Variants in IQCM observed in about 807,000 individuals in gnomAD.
IQCM encodes the protein IQ domain-containing protein M.
IQCM carries 45 observed loss-of-function variants against 57.6 expected under a neutral mutation model. That is an observed-to-expected ratio of 0.78 (90% CI 0.62 to 1.00). The LOEUF is 1.00. IQCM is among the 50% of genes least tolerant of loss of function. The probability of loss-of-function intolerance (pLI) is 0.00; values close to 1 mark genes in which losing one functional copy is unlikely to be tolerated. For missense variants in IQCM, 468 were observed against 511.6 expected, an observed-to-expected ratio of 0.91 and a Z score of 0.82; for synonymous variants, 148 against 158.9, an observed-to-expected ratio of 0.93 and a Z score of 0.51.
intron 12 of IQCM, among the ~76,000 whole-genome samples, chr4:149,491,313 T>C (rs573752097): frequency 6.6e-6 from 1 of 152,108 alleles, no homozygotes; most frequent in Non-Finnish European, 1.5e-5. Context: ...ATTATTCTCT[T>C]AGCAATTTTC....
intron 9 of IQCM, among the ~76,000 whole-genome samples, chr4:149,583,761 A>G (rs895683662): frequency 2.3e-4 from 35 of 151,742 alleles, no homozygotes; most frequent in African/African-American, 8.0e-4. Context: ...TAGTACAATG[A>G]ATTATAATCT....
intron 13 of IQCM, among the ~76,000 whole-genome samples, chr4:149,396,547 T>C (rs565049457): frequency 1.1e-3 from 162 of 152,166 alleles, no homozygotes; most frequent in African/African-American, 3.8e-3. Context: ...TAGGTCATTA[T>C]TGTTCTTTTA....
At chr4:149,738,268 G>A (rs1002189703) in intron 3 of IQCM, among the ~76,000 whole-genome samples, 2 of 152,184 alleles carry the variant, frequency 1.3e-5, no homozygotes, top group Admixed American at 6.5e-5. Flanking sequence ...CTGAAACTTG[G>A]CTGGTCACAC....
At chr4:149,608,243 C>A (rs1754972896) in intron 8 of IQCM, among the ~76,000 whole-genome samples, 1 of 151,898 alleles carries the variant, frequency 6.6e-6, no homozygotes, top group African/African-American at 2.4e-5. Context: ...TCATCCAACA[C>A]TGGAGCACCC....
intron 8 of IQCM, among the ~76,000 whole-genome samples, chr4:149,603,721 A>T (rs897309063): frequency 1.6e-4 from 23 of 146,292 alleles, no homozygotes; most frequent in Non-Finnish European, 3.0e-4. Flanking sequence ...AGGAATAGTT[A>T]AAAAAAAAAA....
At chr4:149,716,290 G>A (rs371115727) in intron 5 of IQCM, among the ~76,000 whole-genome samples, 2 of 152,222 alleles carry the variant, frequency 1.3e-5, no homozygotes, top group Admixed American at 6.5e-5. Context: ...AGGCTGGCAC[G>A]TCAGCACAGC....
intron 7 of IQCM, among the ~76,000 whole-genome samples, chr4:149,668,760 C>T (rs146765455): frequency 2.0e-5 from 3 of 152,078 alleles, no homozygotes; most frequent in African/African-American, 2.4e-5. Flanking sequence ...AGCTGATCAA[C>T]GTGAAGAGCA....
chr4:149,362,065 G>C (rs1000058945), intron 13 of IQCM, among the ~76,000 whole-genome samples: 2 of 152,112 alleles, frequency 1.3e-5, no homozygotes, highest in African/African-American at 4.8e-5. Flanking sequence ...TAATTTTGGA[G>C]CTTTAAAATT....
At chr4:149,510,382 C>T (rs545545718) in intron 12 of IQCM, among the ~76,000 whole-genome samples, 10 of 151,896 alleles carry the variant, frequency 6.6e-5, no homozygotes, top group African/African-American at 2.2e-4. Flanking sequence ...TATTTATATC[C>T]CAAGTATTAC....
intron 2 of IQCM, among the ~76,000 whole-genome samples, chr4:149,762,219 G>A (rs1769588505): frequency 6.6e-6 from 1 of 151,340 alleles, no homozygotes; most frequent in Admixed American, 6.6e-5. Context: ...AAAGATCTAG[G>A]CATGCTCAGT....
chr4:149,781,831 C>A (rs1238528404), intron 2 of IQCM, among the ~76,000 whole-genome samples: 2 of 152,060 alleles, frequency 1.3e-5, no homozygotes, highest in Non-Finnish European at 2.9e-5. Context: ...AATAAGTAGG[C>A]AGCCTAGGAA....
At chr4:149,628,993 C>T (rs956479840) in intron 7 of IQCM, among the ~76,000 whole-genome samples, 1 of 152,126 alleles carries the variant, frequency 6.6e-6, no homozygotes, top group Non-Finnish European at 1.5e-5. Flanking sequence ...ATCAAATACA[C>T]CAATGCTCTG....
intron 13 of IQCM, among the ~76,000 whole-genome samples, chr4:149,427,364 T>A (rs929354290): frequency 6.6e-6 from 1 of 152,034 alleles, no homozygotes; most frequent in Non-Finnish European, 1.5e-5. Context: ...AGTTAAGCAG[T>A]ATTGAGTGGT....
intron 12 of IQCM, among the ~76,000 whole-genome samples, chr4:149,535,822 G>A (rs541010673): frequency 6.6e-6 from 1 of 152,032 alleles, no homozygotes; most frequent in Non-Finnish European, 1.5e-5. Context: ...TGACTGTAGG[G>A]TAAGACAGGA....
intron 9 of IQCM, among the ~76,000 whole-genome samples, chr4:149,584,215 TC>T: frequency 6.6e-6 from 1 of 151,700 alleles, no homozygotes; most frequent in East Asian, 1.9e-4. Context: ...AAACTTCTTT[TC>T]CTTTAAAAAT....
At chr4:149,564,401 G>A (rs960843174) in intron 9 of IQCM, among the ~76,000 whole-genome samples, 1 of 152,168 alleles carries the variant, frequency 6.6e-6, no homozygotes, top group South Asian at 2.1e-4. Context: ...TACTGCAAAC[G>A]ATGACCAGTC....
chr4:149,530,795 A>ACC (rs1169417035), intron 12 of IQCM, among the ~76,000 whole-genome samples: 67 of 26,228 alleles, frequency 2.6e-3, no homozygotes, highest in Non-Finnish European at 3.8e-3. Flanking sequence ...AGACACCCCC[A>ACC]CCCCCCCACC....
At chr4:149,785,238 G>A (rs1001902031) in intron 2 of IQCM, among the ~76,000 whole-genome samples, 1 of 152,182 alleles carries the variant, frequency 6.6e-6, no homozygotes, top group Admixed American at 6.5e-5. Context: ...CTAAGAGAGA[G>A]TGTGACCTTA....
chr4:149,793,860 T>G (rs1772867401), intron 2 of IQCM: 1 of 152,234 alleles, frequency 6.6e-6, no homozygotes, highest in Admixed American at 6.5e-5. Context: ...ATGCTACTGC[T>G]CAGGCAGGAG....
Sources: gnomAD v4.1 joint callset for allele counts (sites outside exome capture counted in the v4.1 genomes callset) on GRCh38, gnomAD v4.1.1 for gene constraint, MANE v1.5 for transcripts, NCBI Gene and HGNC (gene_info 2026-07-23, HGNC 2026-07-21) for gene names.